NEK2: variants seen among roughly 807,000 people sequenced by gnomAD.
NEK2 encodes the protein NIMA related kinase 2.
A neutral mutation model predicts 54.1 loss-of-function variants in NEK2; 28 were observed. The observed-to-expected ratio is 0.52, with a 90% CI of 0.38 to 0.71. The LOEUF is 0.71. NEK2 is among the 30% of genes least tolerant of loss of function. The pLI is 0.00. For synonymous variants in NEK2, 176 were observed against 193.1 expected, an observed-to-expected ratio of 0.91 and a Z score of 0.73; for missense variants, 407 against 531.5, an observed-to-expected ratio of 0.77 and a Z score of 2.30.
chr1:211,670,447 T>G, intron 4 of NEK2, 40 bp from the exon 5 acceptor site: 3 of 1,585,946 alleles, frequency 1.9e-6, no homozygotes, highest in Non-Finnish European at 1.7e-6. Context: ...GAAGACATTT[T>G]CAAATTGTAA....
chr1:211,661,883 A>G (rs1054703095), downstream of NEK2, among the ~76,000 whole-genome samples: 3 of 152,216 alleles, frequency 2.0e-5, no homozygotes, highest in South Asian at 2.1e-4. Context: ...GAATTTGTAC[A>G]TAACTGAATA....
rs775715496 is a variant in NEK2 at position 211,669,104 on chromosome 1, C to T, written c.985+9G>A. The T allele has an allele frequency of 1.9e-6, 3 of 1,612,924 alleles. No individual in the cohort carries two copies. The South Asian group carries it at 3.3e-5, about 18-fold the overall frequency. ...GTTCTCCTTTGCTTTGACCCCCATT[C>T]AGACTTACGCTCCAATCTTTCTTCT... On this transcript the variant is annotated intron_variant, in intron 6 of 7. Coordinates refer to ENST00000366999, the MANE Select transcript of NEK2 (RefSeq NM_002497.4).
At chr1:211,664,239 G>GA (rs1460377328) in intron 7 of NEK2, among the ~76,000 whole-genome samples, 4 of 151,916 alleles carry the variant, frequency 2.6e-5, no homozygotes, top group African/African-American at 9.7e-5. Flanking sequence ...TCTTTACATG[G>GA]AAAAAATAAA....
chr1:211,669,832 T>A (rs1655310836), intron 5 of NEK2, among the ~76,000 whole-genome samples: 1 of 117,964 alleles, frequency 8.5e-6, no homozygotes, highest in Admixed American at 9.1e-5. Context: ...CCACATAATC[T>A]CTTTATTGAT....
rs765681218 is a variant in NEK2 at position 211,673,711 on chromosome 1, A to G, written c.327T>C (p.Asp109=). The change falls in exon 3 of 8, where the codon GAT becomes GAC. Residue 109 remains aspartate, a synonymous_variant. Transcript: ENST00000366999. ...TKGTKERQYL[D]EEFVLRVMTQ... ...TCATCACTCGAAGAACAAACTCTTCATCTAAGTATTGCCTAAAACCAAAGC... is the reference window on the plus strand; with the variant it reads ...TCATCACTCGAAGAACAAACTCTTCGTCTAAGTATTGCCTAAAACCAAAGC... The G allele has an allele frequency of 2.5e-6, 4 of 1,614,228 alleles. No homozygotes were observed. The highest frequency in any genetic ancestry group is 1.7e-6 in the Non-Finnish European group (2 of 1,180,030).
At position 211,673,425 on chromosome 1, in the gene NEK2, A is replaced by C. The variant is rs572138617; in HGVS notation, c.555+58T>G. On this transcript the variant is annotated intron_variant, in intron 3 of 7. Coordinates refer to ENST00000366999, the MANE Select transcript of NEK2 (RefSeq NM_002497.4). ...CGAGACTCTGTCTCAAAAACAAACA[A>C]ACAAGAAAACAAAAATAAAAGATGT... The C allele has an allele frequency of 1.4e-5, 23 of 1,602,792 alleles. No homozygotes were observed. The East Asian group carries it at 4.5e-4, about 31-fold the overall frequency.
At chr1:211,660,917 A>T (rs1655003672), downstream of NEK2, 7 of 739,806 alleles carry the variant, frequency 9.5e-6, no homozygotes, top group South Asian at 9.5e-5. Context: ...ATCTGTCCCC[A>T]GTGGGTGAGG....
chr1:211,667,282 T>A, intron 6 of NEK2, 51 bp from the exon 7 acceptor site: 1 of 1,537,120 alleles, frequency 6.5e-7, no homozygotes. Context: ...TGACCTTGAC[T>A]AAAAAACAAT....
chr1:211,659,740 A>G (rs1571635822), downstream of NEK2, among the ~76,000 whole-genome samples: 1 of 152,256 alleles, frequency 6.6e-6, no homozygotes, highest in Admixed American at 6.5e-5. Flanking sequence ...GCTGGAAGGA[A>G]TTCCAAGGCA....
Position 211,673,565 on chromosome 1 carries a change from C to A in NEK2, c.473G>T (p.Gly158Val). Residue 158 changes from glycine to valine, a missense_variant, in exon 3 of 8, where the codon GGA (glycine) becomes GTA (valine). By Grantham distance (109) the Gly-to-Val change is moderately radical (BLOSUM62 -3). Coordinates refer to ENST00000366999, the MANE Select transcript of NEK2 (RefSeq NM_002497.4). Reference protein sequence around the residue: ...FLDGKQNVKLGDFGLARILNH... With the variant: ...FLDGKQNVKLVDFGLARILNH... ...TAATATTCTAGCTAGCCCAAAGTCTCCAAGCTTGACGTTTTGCTTGCCATC... is the reference window on the plus strand; with the variant it reads ...TAATATTCTAGCTAGCCCAAAGTCTACAAGCTTGACGTTTTGCTTGCCATC... The A allele has an allele frequency of 3.1e-6, 5 of 1,614,110 alleles. No individual in the cohort carries two copies. Among genetic ancestry groups the A allele is most frequent in the Non-Finnish European group, 4.2e-6 (5 of 1,179,960 alleles).
In NEK2 at chr1:211,666,407, T is replaced by G. The variant is rs1471273699; in HGVS notation, c.1111+699A>C. 4 of 714,004 alleles carry G rather than the reference T, an allele frequency of 5.6e-6. No individual in the cohort carries two copies. The East Asian group carries it at 5.2e-4, about 93-fold the overall frequency. 44.2% of individuals were successfully genotyped at this position (714,004 alleles called of 1,614,324 possible). A position where few individuals can be genotyped will look rare whatever the true frequency, so the allele number is the denominator to read the frequency against. On this transcript the variant is annotated intron_variant, in intron 7 of 7. Transcript: ENST00000366999. ...TTTAAGCCATGCTTTCTATGAAAAA[T>G]GAGGCATGGCAATATTAAAATGTTT...
chr1:211,659,060 A>G (rs1654953660), downstream of NEK2, among the ~76,000 whole-genome samples: 1 of 152,226 alleles, frequency 6.6e-6, no homozygotes, highest in South Asian at 2.1e-4. Flanking sequence ...ATGCTGTGAC[A>G]ATGTACTTTC....
chr1:211,669,899 T>C (rs1021842678), intron 5 of NEK2, among the ~76,000 whole-genome samples: 9 of 152,212 alleles, frequency 5.9e-5, no homozygotes, highest in African/African-American at 2.2e-4. Flanking sequence ...CCCCTTCTTC[T>C]GGTCTTTAAT....
Position 211,675,372 on chromosome 1 carries a change from T to C in NEK2, c.96+12A>G. 6.2e-7 allele frequency: 1 copy of C among 1,612,106 alleles called. No individual in the cohort carries two copies. Among genetic ancestry groups the C allele is most frequent in the African/African-American group, 1.3e-5 (1 of 75,026 alleles). On this transcript the variant is annotated intron_variant, in intron 1 of 7. Coordinates refer to ENST00000366999, the MANE Select transcript of NEK2 (RefSeq NM_002497.4). Reference sequence around the variant, plus strand: ...TAAGCAGGGGCAGGCGCAGGGTAGGTCCCACGCTCACCTTGCCATCACTCT... The same window carrying C: ...TAAGCAGGGGCAGGCGCAGGGTAGGCCCCACGCTCACCTTGCCATCACTCT...
chr1:211,659,575 T>G (rs1417337469), downstream of NEK2, among the ~76,000 whole-genome samples: 2 of 152,204 alleles, frequency 1.3e-5, no homozygotes, highest in African/African-American at 4.8e-5. Context: ...AGGCCACAGA[T>G]TTGACAGAAA....
chr1:211,664,237 T>C (rs1351494091), intron 7 of NEK2, among the ~76,000 whole-genome samples: 1 of 152,122 alleles, frequency 6.6e-6, no homozygotes, highest in African/African-American at 2.4e-5. Context: ...ATTCTTTACA[T>C]GGAAAAAATA....
At chr1:211,670,866 C>T (rs1348000288) in intron 4 of NEK2, among the ~76,000 whole-genome samples, 1 of 152,180 alleles carries the variant, frequency 6.6e-6, no homozygotes, top group East Asian at 1.9e-4. Context: ...CAGACCTCTA[C>T]CCGAGTCTTG....
chr1:211,661,977 T>C (rs558888052), downstream of NEK2, among the ~76,000 whole-genome samples: 1 of 152,288 alleles, frequency 6.6e-6, no homozygotes, highest in African/African-American at 2.4e-5. Flanking sequence ...AGGAAAGATA[T>C]TCCCCACCTA....
At chr1:211,670,458 A>G in intron 4 of NEK2, 51 bp from the exon 5 acceptor site, 1 of 1,572,478 alleles carries the variant, frequency 6.4e-7, no homozygotes, top group Non-Finnish European at 8.6e-7. Flanking sequence ...CAAATTGTAA[A>G]AATGAAAATA....
Sources: gnomAD v4.1 joint callset for allele counts (sites outside exome capture counted in the v4.1 genomes callset) on GRCh38, gnomAD v4.1.1 for gene constraint, MANE v1.5 for transcripts, NCBI Gene and HGNC (gene_info 2026-07-23, HGNC 2026-07-21) for gene names.